KIF6: variants seen among roughly 807,000 people sequenced by gnomAD.
The protein encoded by KIF6 is kinesin family member 6.
A neutral mutation model predicts 112.7 loss-of-function variants in KIF6; 106 were observed. That is an observed-to-expected ratio of 0.94 (90% confidence interval 0.80 to 1.11). The LOEUF (loss-of-function observed/expected upper bound fraction) is 1.11, where lower values mean the gene tolerates loss of function less well. Among genes scored for constraint, KIF6 ranks in the 50% least tolerant of loss-of-function variants. The pLI is 0.00. For synonymous variants in KIF6, 339 were observed against 339.9 expected (o/e 1.00, Z 0.03); for missense variants, 929 against 964.0 (o/e 0.96, Z 0.48).
chr6:39,585,122 G>T, intron 8 of KIF6, 138 bp from the exon 9 acceptor site: 1 of 559,686 alleles, frequency 1.8e-6, no homozygotes, highest in South Asian at 2.7e-5. Context: ...GAGGAACTAT[G>T]CCCCTAAATT....
intron 13 of KIF6, among the ~76,000 whole-genome samples, chr6:39,513,022 G>A (rs1267715590): frequency 6.6e-6 from 1 of 152,180 alleles, no homozygotes; most frequent in Non-Finnish European, 1.5e-5. Context: ...AGGGCTCAGA[G>A]ATGTTAAATA....
Position 39,332,397 on chromosome 6 carries a change from G to A in KIF6, c.*4135C>T, listed in dbSNP as rs928445684. On this transcript the variant is annotated 3_prime_UTR_variant, in exon 23 of 23. Transcript: ENST00000287152. ...TTGGTTTGTTTTTCATATTCCTTTAGATATTTTGAAGCTTTGTTTTGGGAC... is the reference window on the plus strand; with the variant it reads ...TTGGTTTGTTTTTCATATTCCTTTAAATATTTTGAAGCTTTGTTTTGGGAC... 6.6e-6 allele frequency: 1 copy of A among 152,110 alleles called. No individual in the cohort carries two copies. Among genetic ancestry groups the A allele is most frequent in the African/African-American group, 2.4e-5 (1 of 41,420 alleles). 9.4% of individuals were successfully genotyped at this position (152,110 alleles called of 1,614,324 possible). A position where few individuals can be genotyped will look rare whatever the true frequency, so the allele number is the denominator to read the frequency against.
Position 39,530,351 on chromosome 6 carries a change from T to C in KIF6, c.1645+9652A>G, listed in dbSNP as rs1163203699. The stretch of plus-strand genomic sequence containing the variant: ...TCAGGGCTCTCAGAACACTGACTGG[T>C]TCCAGGTGACTATTTAGAATAGGCA... On this transcript the variant is annotated intron_variant, in intron 13 of 22. Coordinates refer to ENST00000287152, the MANE Select transcript of KIF6 (RefSeq NM_145027.6). 2.6e-5 allele frequency among the ~76,000 whole-genome samples: 4 copies of C among 152,140 alleles called. No homozygotes were observed. The East Asian group carries it at 7.7e-4, about 29-fold the overall frequency.
chr6:39,520,101 G>C (rs2150524043), intron 13 of KIF6, among the ~76,000 whole-genome samples: 1 of 152,130 alleles, frequency 6.6e-6, no homozygotes, highest in Non-Finnish European at 1.5e-5. Context: ...AATCCATATA[G>C]ACTTCCCTAT....
chr6:39,390,048 A>T (rs7738352), intron 15 of KIF6, among the ~76,000 whole-genome samples: 1 of 137,280 alleles, frequency 7.3e-6, no homozygotes, highest in African/African-American at 3.1e-5. Context: ...AAAAAAAAAA[A>T]AAAAGGAAAT....
At chr6:39,551,917 G>A (rs1194825305) in intron 10 of KIF6, among the ~76,000 whole-genome samples, 2 of 152,278 alleles carry the variant, frequency 1.3e-5, no homozygotes, top group South Asian at 2.1e-4. Context: ...GAGAGAATAC[G>A]CCTGGCCTAT....
intron 13 of KIF6, among the ~76,000 whole-genome samples, chr6:39,527,035 C>T (rs1435221454): frequency 6.6e-6 from 1 of 152,198 alleles, no homozygotes; most frequent in Non-Finnish European, 1.5e-5. Flanking sequence ...TTGAGCTTTT[C>T]TTTTAAACCT....
chr6:39,346,098 CCT>C (rs1763741154), intron 20 of KIF6, among the ~76,000 whole-genome samples: 8 of 42,464 alleles, frequency 1.9e-4, no homozygotes, highest in Non-Finnish European at 2.6e-4. Context: ...CCCCCCTCTC[CCT>C]CCCCCCCTCC....
At chr6:39,449,389 C>T (rs1481763224) in intron 13 of KIF6, among the ~76,000 whole-genome samples, 1 of 152,292 alleles carries the variant, frequency 6.6e-6, no homozygotes, top group Middle Eastern at 3.4e-3. Context: ...CTTCTTGGCT[C>T]CCTGGCCGCC....
intron 16 of KIF6, among the ~76,000 whole-genome samples, chr6:39,364,236 C>T (rs1255556160): frequency 6.6e-6 from 1 of 151,848 alleles, no homozygotes; most frequent in Non-Finnish European, 1.5e-5. Flanking sequence ...GGATGTAGTC[C>T]ATCCCAGGGT....
chr6:39,720,953 T>C (rs1308291327), intron 1 of KIF6, 142 bp from the exon 2 acceptor site: 1 of 575,244 alleles, frequency 1.7e-6, no homozygotes, highest in South Asian at 2.4e-5. Flanking sequence ...TGAATAATTT[T>C]TCTCTTTGAA....
intron 9 of KIF6, 117 bp from the exon 10 acceptor site, chr6:39,578,276 G>C: frequency 1.5e-6 from 1 of 650,268 alleles, no homozygotes. Flanking sequence ...AATGGGTAAT[G>C]GTATAAAAAG....
intron 13 of KIF6, among the ~76,000 whole-genome samples, chr6:39,536,709 A>G (rs1778449431): frequency 6.6e-6 from 1 of 151,070 alleles, no homozygotes; most frequent in Non-Finnish European, 1.5e-5. Flanking sequence ...TCCCTAACTC[A>G]TTTTATGAGG....
intron 6 of KIF6, among the ~76,000 whole-genome samples, chr6:39,604,298 T>C (rs1195155013): frequency 6.6e-6 from 1 of 152,142 alleles, no homozygotes; most frequent in African/African-American, 2.4e-5. Context: ...CTTTATATAG[T>C]TCTTCCCATA....
At chr6:39,488,642 G>T (rs1402358416) in intron 13 of KIF6, among the ~76,000 whole-genome samples, 1 of 152,136 alleles carries the variant, frequency 6.6e-6, no homozygotes, top group Non-Finnish European at 1.5e-5. Context: ...CTGACATCGT[G>T]CTTGGCACTC....
At chr6:39,433,205 G>A (rs889189492) in intron 13 of KIF6, among the ~76,000 whole-genome samples, 6 of 152,176 alleles carry the variant, frequency 3.9e-5, no homozygotes, top group African/African-American at 1.4e-4. Flanking sequence ...TCCCAACAAC[G>A]AACAACACAA....
chr6:39,389,071 G>A (rs1767653778), intron 15 of KIF6, among the ~76,000 whole-genome samples: 1 of 152,344 alleles, frequency 6.6e-6, no homozygotes, highest in Middle Eastern at 3.4e-3. Flanking sequence ...AAGCTCCAGA[G>A]GAGACGGGTG....
At position 39,360,425 on chromosome 6, in the gene KIF6, G is replaced by C; in HGVS notation, c.2052C>G (p.Val684=). The C allele has an allele frequency of 6.2e-7, 1 of 1,614,204 alleles. No homozygotes were observed. The highest frequency in any genetic ancestry group is 8.5e-7 in the Non-Finnish European group (1 of 1,180,036). ...GGTTGGTGGCCTCCTCTGCCCACCA[G>C]ACTTCAAACTCTTTCTGTAGCTTCA... is the stretch of plus-strand genomic sequence containing the variant. ...AKVKLQKEFE[V]WWAEEATNLQ... is the part of the protein sequence containing the mutation. Residue 684 remains valine, a synonymous_variant, in exon 18 of 23, where the codon GTC becomes GTG. Transcript: ENST00000287152.
chr6:39,555,929 G>A (rs894554598), intron 10 of KIF6, among the ~76,000 whole-genome samples: 2 of 148,102 alleles, frequency 1.4e-5, no homozygotes, highest in Non-Finnish European at 3.0e-5. Context: ...ACTCCAGCCT[G>A]GGCGACAGAG....
Sources: allele counts gnomAD v4.1 joint callset (sites outside exome capture counted in the v4.1 genomes callset), GRCh38; gene constraint gnomAD v4.1.1; transcripts MANE v1.5; gene names NCBI Gene and HGNC (gene_info 2026-07-23, HGNC 2026-07-21).